Variants in OR56A3 observed in about 807,000 individuals in gnomAD.
The protein encoded by OR56A3 is olfactory receptor family 56 subfamily A member 3, also known as olfactory receptor 56A3.
A neutral mutation model predicts 17.5 loss-of-function variants in OR56A3; 23 were observed. That is an observed-to-expected ratio of 1.32 (90% CI 0.95 to 1.87). The LOEUF (loss-of-function observed/expected upper bound fraction) is 1.87. OR56A3 is among the 40% of genes most tolerant of loss of function. The pLI, the probability that OR56A3 is intolerant of heterozygous loss-of-function variation, is 0.00. For synonymous variants in OR56A3, 175 were observed against 150.6 expected, an observed-to-expected ratio of 1.16 and a Z score of -1.19; for missense variants, 366 against 380.1, an observed-to-expected ratio of 0.96 and a Z score of 0.31.
rs1847888730 is a variant in OR56A3 at position 5,948,508 on chromosome 11, A to G, written c.*214A>G. 3.9e-6 allele frequency: 2 copies of G among 518,280 alleles called. No individual in the cohort carries two copies. The highest frequency in any genetic ancestry group is 6.8e-6 in the Non-Finnish European group (2 of 294,354). 32.1% of individuals were successfully genotyped at this position (518,280 alleles called of 1,614,324 possible). On this transcript the variant is annotated 3_prime_UTR_variant, in exon 3 of 3. Transcript: ENST00000641160. ...TCTTGGCCCTCTCTCGTTTTATTCC[A>G]TGCTTATAATCATATTTTGTCCAAA...
chr11:5,992,134 G>A, the OR56A3 span, among the ~76,000 whole-genome samples: 3 of 152,168 alleles, frequency 2.0e-5, no homozygotes, highest in African/African-American at 4.8e-5. Flanking sequence ...TCATTCTCAC[G>A]GAACAATCTT....
At chr11:5,945,844 A>G (rs1847866606) in intron 2 of OR56A3, among the ~76,000 whole-genome samples, 1 of 152,204 alleles carries the variant, frequency 6.6e-6, no homozygotes, top group African/African-American at 2.4e-5. Context: ...AAAAATAACC[A>G]TATAATTTTG....
chr11:5,979,709 A>T, the OR56A3 span, among the ~76,000 whole-genome samples: 1 of 148,148 alleles, frequency 6.8e-6, no homozygotes, highest in South Asian at 2.2e-4. Flanking sequence ...CATTCAGTTC[A>T]CCTCTGGTTT....
intron 1 of OR56A3, chr11:5,943,279 A>C (rs572936772): frequency 7.2e-5 from 11 of 152,188 alleles, no homozygotes; most frequent in African/African-American, 9.7e-5. Context: ...AGTGCTAAAA[A>C]TAATTATCCC....
rs912545166 is a variant in OR56A3 at position 5,950,550 on chromosome 11, T to C, written c.*2256T>C. 6.6e-6 allele frequency: 1 copy of C among 152,190 alleles called. No individual in the cohort carries two copies. The highest frequency in any genetic ancestry group is 2.4e-5 in the African/African-American group (1 of 41,472). 9.4% of individuals were successfully genotyped at this position (152,190 alleles called of 1,614,324 possible). A position where few individuals can be genotyped will look rare whatever the true frequency, so the allele number is the denominator to read the frequency against. ...AGGTAATATTAGTGAGGATTTCCTCTAGAACTGTGCTGTGCAATATGAACC... is the reference window on the plus strand; with the variant it reads ...AGGTAATATTAGTGAGGATTTCCTCCAGAACTGTGCTGTGCAATATGAACC... On this transcript the variant is annotated 3_prime_UTR_variant, in exon 3 of 3. Coordinates refer to ENST00000641160, the MANE Select transcript of OR56A3 (RefSeq NM_001003443.3).
the OR56A3 span, among the ~76,000 whole-genome samples, chr11:5,990,536 G>C: frequency 6.6e-6 from 1 of 152,194 alleles, no homozygotes; most frequent in Non-Finnish European, 1.5e-5. Context: ...AGCAGGAAGA[G>C]AGGCTCCATC....
chr11:5,977,797 C>G, the OR56A3 span, among the ~76,000 whole-genome samples: 75 of 152,278 alleles, frequency 4.9e-4, no homozygotes, highest in Non-Finnish European at 6.5e-4. Flanking sequence ...GGGCCTATAT[C>G]CAGAATGATA....
chr11:5,968,149 A>G, the OR56A3 span: 29 of 1,614,102 alleles, frequency 1.8e-5, no homozygotes, highest in Non-Finnish European at 2.5e-5. Context: ...ATGAATGTGC[A>G]GGACTCCATA....
At chr11:5,969,875 G>A in the OR56A3 span, among the ~76,000 whole-genome samples, 1 of 152,116 alleles carries the variant, frequency 6.6e-6, no homozygotes, top group Non-Finnish European at 1.5e-5. Context: ...CTCTGAGGAT[G>A]AGAAAAATGG....
chr11:5,975,828 T>G, the OR56A3 span, among the ~76,000 whole-genome samples: 1 of 151,974 alleles, frequency 6.6e-6, no homozygotes, highest in Admixed American at 6.6e-5. Flanking sequence ...TCACCAACAG[T>G]GTAAAAGTGT....
the OR56A3 span, among the ~76,000 whole-genome samples, chr11:5,983,650 C>A: frequency 2.6e-5 from 4 of 152,280 alleles, no homozygotes; most frequent in South Asian, 2.1e-4. Context: ...TTCCTCTCCC[C>A]ACAAGGGGGA....
At chr11:6,013,345 A>C in the OR56A3 span, among the ~76,000 whole-genome samples, 1 of 151,830 alleles carries the variant, frequency 6.6e-6, no homozygotes, top group African/African-American at 2.4e-5. Flanking sequence ...GCAGCCCAGA[A>C]CTCCCCCTTG....
At chr11:5,993,890 T>G in the OR56A3 span, 1 of 510,832 alleles carries the variant, frequency 2.0e-6, no homozygotes, top group Non-Finnish European at 3.6e-6. Context: ...TCTCAGAACT[T>G]TGGTGTCATT....
chr11:6,001,909 G>A, the OR56A3 span: 1 of 726,338 alleles, frequency 1.4e-6, no homozygotes, highest in Non-Finnish European at 2.1e-6. Flanking sequence ...GTTCATTGTT[G>A]CCTGAGATAT....
At chr11:5,996,638 T>C in the OR56A3 span, among the ~76,000 whole-genome samples, 1 of 152,176 alleles carries the variant, frequency 6.6e-6, no homozygotes, top group African/African-American at 2.4e-5. Flanking sequence ...CTAGATGTTG[T>C]TAACAAAGGA....
At chr11:6,002,377 C>A in the OR56A3 span, 2 of 1,614,196 alleles carry the variant, frequency 1.2e-6, no homozygotes, top group Non-Finnish European at 1.7e-6. Context: ...AGAGTCCAGC[C>A]TGCCACAAAC....
the OR56A3 span, chr11:5,967,835 A>C: frequency 6.4e-7 from 1 of 1,565,284 alleles, no homozygotes; most frequent in East Asian, 2.3e-5. Flanking sequence ...TAAAAAAGTA[A>C]GAGAGAACAA....
chr11:6,004,174 A>T, the OR56A3 span, among the ~76,000 whole-genome samples: 4 of 152,156 alleles, frequency 2.6e-5, no homozygotes, highest in African/African-American at 9.7e-5. Flanking sequence ...CAACATAATG[A>T]AACCTCGTCT....
the OR56A3 span, among the ~76,000 whole-genome samples, chr11:5,998,014 C>T: frequency 6.6e-6 from 1 of 152,104 alleles, no homozygotes; most frequent in Non-Finnish European, 1.5e-5. Flanking sequence ...CCTTGGAAAG[C>T]CTCTCGGTAC....
Sources: allele counts gnomAD v4.1 joint callset (sites outside exome capture counted in the v4.1 genomes callset), GRCh38; gene constraint gnomAD v4.1.1; transcripts MANE v1.5; gene names NCBI Gene and HGNC (gene_info 2026-07-23, HGNC 2026-07-21).